The following MYO5B variants were observed in gnomAD, a reference collection of about 807,000 sequenced individuals.
The protein encoded by MYO5B is unconventional myosin-Vb.
In MYO5B, 143 loss-of-function variants were observed where a neutral mutation model predicts 229.3. That is an observed-to-expected ratio of 0.62 (90% CI 0.54 to 0.72). MYO5B has a LOEUF of 0.72. Among genes scored for constraint, MYO5B ranks in the 30% least tolerant of loss-of-function variants. MYO5B has a pLI of 0.00. For missense variants in MYO5B, 2,321 were observed against 2,331.0 expected, an observed-to-expected ratio of 1.00 and a Z score of 0.09; for synonymous variants, 918 against 885.2, an observed-to-expected ratio of 1.04 and a Z score of -0.66.
chr18:50,131,656 T>C (rs1412613770), intron 1 of MYO5B, among the ~76,000 whole-genome samples: 1 of 152,192 alleles, frequency 6.6e-6, no homozygotes, highest in African/African-American at 2.4e-5. Flanking sequence ...TTAAAAGCAT[T>C]TGTAGCTCAA....
intron 4 of MYO5B, among the ~76,000 whole-genome samples, chr18:50,010,443 C>T (rs781192868): frequency 1.4e-4 from 22 of 152,176 alleles, no homozygotes; most frequent in Non-Finnish European, 2.8e-4. Flanking sequence ...CTGGTTAGGG[C>T]ACTCCTCGGT....
intron 1 of MYO5B, chr18:50,064,106 C>G (rs1213484677): frequency 1.3e-5 from 2 of 152,406 alleles, no homozygotes; most frequent in East Asian, 3.9e-4. Context: ...AGACTTCCCA[C>G]AATCTACTTG....
chr18:49,953,453 G>A, intron 13 of MYO5B, 110 bp from the exon 14 acceptor site: 1 of 900,660 alleles, frequency 1.1e-6, no homozygotes, highest in Non-Finnish European at 1.8e-6. Flanking sequence ...TGAGTAGATA[G>A]GAAACCCACA....
intron 16 of MYO5B, among the ~76,000 whole-genome samples, chr18:49,934,895 T>C (rs904473979): frequency 7.9e-5 from 12 of 152,298 alleles, no homozygotes; most frequent in African/African-American, 2.9e-4. Flanking sequence ...TCAAAGTAAG[T>C]TATTTCACAG....
chr18:50,149,365 C>T (rs1377422088), intron 1 of MYO5B, among the ~76,000 whole-genome samples: 2 of 151,726 alleles, frequency 1.3e-5, no homozygotes, highest in African/African-American at 4.8e-5. Flanking sequence ...AAAAAAGAGC[C>T]CACATCGCCA....
At chr18:49,984,964 A>G (rs1263862212) in intron 7 of MYO5B, 139 bp from the exon 8 acceptor site, 2 of 706,374 alleles carry the variant, frequency 2.8e-6, no homozygotes, top group African/African-American at 1.8e-5. Flanking sequence ...ACTCTTTAAA[A>G]TAGTCTTTAT....
chr18:49,856,842 C>A lies in MYO5B; in HGVS notation c.3993G>T (p.Leu1331Phe). The A allele has an allele frequency of 6.2e-7, 1 of 1,614,216 alleles. No individual in the cohort carries two copies. The highest frequency in any genetic ancestry group is 8.5e-7 in the Non-Finnish European group (1 of 1,180,010). Reference sequence around the variant, plus strand: ...CAACTTGCTTTAGGCCTTGGTAGGCCAAGCCGAGTTCTCCATCTTCATTTA... The same window carrying A: ...CAACTTGCTTTAGGCCTTGGTAGGCAAAGCCGAGTTCTCCATCTTCATTTA... ...GYLNEDGELGLAYQGLKQVAR... is the reference protein window; with the variant it reads ...GYLNEDGELGFAYQGLKQVAR... Residue 1331 changes from leucine to phenylalanine, a missense_variant, in exon 30 of 40, where the codon TTG (leucine) becomes TTT (phenylalanine). Physicochemically the swap from Leu to Phe is conservative, Grantham distance 22. Transcript: ENST00000285039.
chr18:50,116,858 A>C (rs1055229271), intron 1 of MYO5B, among the ~76,000 whole-genome samples: 3 of 150,656 alleles, frequency 2.0e-5, no homozygotes, highest in Non-Finnish European at 3.0e-5. Context: ...AAAAAAAAAA[A>C]CCAAAAAACA....
chr18:50,082,120 A>G (rs2031234243), intron 1 of MYO5B, among the ~76,000 whole-genome samples: 1 of 152,248 alleles, frequency 6.6e-6, no homozygotes, highest in Non-Finnish European at 1.5e-5. Context: ...AGATTAAGGT[A>G]GCCTCAAGTG....
At chr18:50,121,296 T>A (rs1331014556) in intron 1 of MYO5B, among the ~76,000 whole-genome samples, 5 of 152,252 alleles carry the variant, frequency 3.3e-5, no homozygotes, top group Admixed American at 2.6e-4. Context: ...ACTTATTTCT[T>A]CACTCCAGTG....
At position 49,863,341 on chromosome 18, in the gene MYO5B, G is replaced by T; in HGVS notation, c.3844-14C>A. ...AATGTTCGGCTCCTAGAAAGCCCCAGATAAAAAAATAACTCTGGTTAAACA... is the reference window on the plus strand; with the variant it reads ...AATGTTCGGCTCCTAGAAAGCCCCATATAAAAAAATAACTCTGGTTAAACA... On this transcript the variant is annotated splice_polypyrimidine_tract_variant and intron_variant, in intron 28 of 39. Coordinates refer to ENST00000285039, the MANE Select transcript of MYO5B (RefSeq NM_001080467.3). 6.2e-7 allele frequency: 1 copy of T among 1,610,922 alleles called. No homozygotes were observed. The highest frequency in any genetic ancestry group is 8.5e-7 in the Non-Finnish European group (1 of 1,177,698).
At chr18:49,992,455 G>T (rs1233471530) in intron 5 of MYO5B, 24 bp from the exon 6 acceptor site, 6 of 1,613,190 alleles carry the variant, frequency 3.7e-6, no homozygotes, top group East Asian at 2.2e-5. Context: ...ACAGACAAAG[G>T]TATGAAAAAA....
At chr18:50,001,047 G>A (rs1007632188) in intron 5 of MYO5B, among the ~76,000 whole-genome samples, 1 of 151,532 alleles carries the variant, frequency 6.6e-6, no homozygotes, top group Non-Finnish European at 1.5e-5. Flanking sequence ...GAGAATATGA[G>A]GACACTCTAC....
At chr18:50,094,068 T>A (rs1311422529) in intron 1 of MYO5B, among the ~76,000 whole-genome samples, 3 of 152,228 alleles carry the variant, frequency 2.0e-5, no homozygotes. Flanking sequence ...TACTCTAGAT[T>A]CGCCTCGAAT....
At chr18:50,158,266 A>C (rs1270189122) in intron 1 of MYO5B, among the ~76,000 whole-genome samples, 1 of 152,186 alleles carries the variant, frequency 6.6e-6, no homozygotes, top group Non-Finnish European at 1.5e-5. Flanking sequence ...TATGGCACAA[A>C]GAAGAAATAG....
chr18:49,985,839 C>G (rs2025865093), intron 7 of MYO5B, among the ~76,000 whole-genome samples: 2 of 152,168 alleles, frequency 1.3e-5, no homozygotes, highest in Admixed American at 1.3e-4. Flanking sequence ...CTGCAACTCC[C>G]AGTGCTCCTT....
At chr18:49,841,316 C>T in intron 35 of MYO5B, 49 bp downstream of exon 35, 1 of 1,566,784 alleles carries the variant, frequency 6.4e-7, no homozygotes, top group South Asian at 1.1e-5. Context: ...TTCTCAACCA[C>T]ATTTGGATGA....
intron 1 of MYO5B, among the ~76,000 whole-genome samples, chr18:50,135,147 G>A (rs1183041310): frequency 6.6e-6 from 1 of 152,176 alleles, no homozygotes; most frequent in Non-Finnish European, 1.5e-5. Context: ...GCCCTCAAGT[G>A]TTTGTATCCT....
chr18:50,134,075 A>G (rs570175661), intron 1 of MYO5B, among the ~76,000 whole-genome samples: 1 of 152,332 alleles, frequency 6.6e-6, no homozygotes, highest in South Asian at 2.1e-4. Context: ...AACCTGTTAC[A>G]CTGGTTGCTC....
Sources: gnomAD v4.1 joint callset for allele counts (sites outside exome capture counted in the v4.1 genomes callset) on GRCh38, gnomAD v4.1.1 for gene constraint, MANE v1.5 for transcripts, NCBI Gene and HGNC (gene_info 2026-07-23, HGNC 2026-07-21) for gene names.